The following ARHGAP15 variants were observed in gnomAD, a reference collection of about 807,000 sequenced individuals.
ARHGAP15 encodes rho GTPase-activating protein 15.
A neutral mutation model predicts 63.7 loss-of-function variants in ARHGAP15; 51 were observed. The observed-to-expected ratio is 0.80, with a 90% CI of 0.64 to 1.01. The LOEUF (loss-of-function observed/expected upper bound fraction) is 1.01, where lower values mean the gene tolerates loss of function less well. Among genes scored for constraint, ARHGAP15 ranks in the 50% least tolerant of loss-of-function variants. The probability of loss-of-function intolerance (pLI) is 0.00; values close to 1 mark genes in which losing one functional copy is unlikely to be tolerated. For synonymous variants in ARHGAP15, 191 were observed against 193.8 expected (o/e 0.99, Z 0.12); for missense variants, 560 against 564.6 (o/e 0.99, Z 0.08).
intron 6 of ARHGAP15, among the ~76,000 whole-genome samples, chr2:143,331,475 T>C (rs1019586267): frequency 1.9e-4 from 29 of 152,282 alleles, no homozygotes; most frequent in African/African-American, 5.8e-4. Context: ...ACATGATTTG[T>C]TTTGTTAAAA....
intron 9 of ARHGAP15, among the ~76,000 whole-genome samples, chr2:143,509,908 CT>C (rs1693501186): frequency 1.3e-5 from 2 of 150,790 alleles, no homozygotes; most frequent in Admixed American, 1.3e-4. Flanking sequence ...GTAATCCCAG[CT>C]ACTCAGGAGG....
chr2:143,577,535 CCT>C (rs558379483), intron 11 of ARHGAP15, among the ~76,000 whole-genome samples: 1 of 152,088 alleles, frequency 6.6e-6, no homozygotes, highest in African/African-American at 2.4e-5. Flanking sequence ...TAAGGCCTAA[CCT>C]CTCTCGGTCT....
At chr2:143,658,321 G>A (rs1681565437) in intron 12 of ARHGAP15, among the ~76,000 whole-genome samples, 3 of 152,222 alleles carry the variant, frequency 2.0e-5, no homozygotes, top group Admixed American at 2.0e-4. Flanking sequence ...AATGGACAGA[G>A]CAGGGTAGAA....
intron 5 of ARHGAP15, chr2:143,247,310 T>A (rs558717090): frequency 6.6e-6 from 1 of 152,556 alleles, no homozygotes; most frequent in East Asian, 1.9e-4. Context: ...TGCCCAGCCC[T>A]CCGCCACTGG....
chr2:143,673,623 A>G (rs976870735), intron 12 of ARHGAP15, among the ~76,000 whole-genome samples: 2 of 150,878 alleles, frequency 1.3e-5, no homozygotes, highest in South Asian at 2.1e-4. Flanking sequence ...GTAAAAATAT[A>G]AATTGGATTT....
intron 8 of ARHGAP15, among the ~76,000 whole-genome samples, chr2:143,485,843 G>T (rs765380578): frequency 7.9e-5 from 12 of 152,126 alleles, no homozygotes; most frequent in Non-Finnish European, 1.8e-4. Flanking sequence ...AGATTTTCAG[G>T]TAGCAAGAAT....
chr2:143,183,479 C>G (rs1558799358), intron 2 of ARHGAP15, among the ~76,000 whole-genome samples: 2 of 152,014 alleles, frequency 1.3e-5, no homozygotes, highest in Non-Finnish European at 2.9e-5. Context: ...TCAGTGGGCA[C>G]CATCAGAGGC....
At chr2:143,639,461 A>C (rs983909452) in intron 12 of ARHGAP15, among the ~76,000 whole-genome samples, 1 of 152,148 alleles carries the variant, frequency 6.6e-6, no homozygotes, top group African/African-American at 2.4e-5. Flanking sequence ...AGAAGGCTAA[A>C]GGATATGTAA....
At chr2:143,534,417 A>C (rs1001930056) in intron 10 of ARHGAP15, among the ~76,000 whole-genome samples, 2 of 152,206 alleles carry the variant, frequency 1.3e-5, no homozygotes, top group Non-Finnish European at 2.9e-5. Flanking sequence ...TGATGTATAC[A>C]CAGACAACGC....
intron 6 of ARHGAP15, among the ~76,000 whole-genome samples, chr2:143,276,009 C>T (rs188366458): frequency 6.6e-6 from 1 of 152,166 alleles, no homozygotes; most frequent in African/African-American, 2.4e-5. Context: ...TCCATAAACC[C>T]ATCCTTTACA....
intron 6 of ARHGAP15, among the ~76,000 whole-genome samples, chr2:143,409,518 A>G (rs1427099282): frequency 6.6e-6 from 1 of 152,040 alleles, no homozygotes; most frequent in Non-Finnish European, 1.5e-5. Context: ...GATCATTCCT[A>G]TATCATAGTA....
intron 12 of ARHGAP15, among the ~76,000 whole-genome samples, chr2:143,685,874 G>A (rs1015806689): frequency 2.0e-5 from 3 of 152,028 alleles, no homozygotes; most frequent in African/African-American, 7.2e-5. Context: ...AAAAGGCCAG[G>A]TCTAGTCCTA....
chr2:143,250,087 T>C (rs974692411), intron 5 of ARHGAP15, among the ~76,000 whole-genome samples: 1 of 152,116 alleles, frequency 6.6e-6, no homozygotes, highest in East Asian at 1.9e-4. Flanking sequence ...TTTTTTGCAT[T>C]GCACTATGAT....
intron 6 of ARHGAP15, among the ~76,000 whole-genome samples, chr2:143,409,498 C>T (rs926596975): frequency 6.6e-6 from 1 of 152,042 alleles, no homozygotes; most frequent in African/African-American, 2.4e-5. Flanking sequence ...GTTAACGTTA[C>T]ATGATTTAAG....
At chr2:143,385,682 C>T (rs1687256079) in intron 6 of ARHGAP15, among the ~76,000 whole-genome samples, 1 of 152,140 alleles carries the variant, frequency 6.6e-6, no homozygotes, top group Non-Finnish European at 1.5e-5. Flanking sequence ...TTCCAACTCT[C>T]AGATATCAAG....
intron 6 of ARHGAP15, among the ~76,000 whole-genome samples, chr2:143,306,706 A>G (rs1683188620): frequency 6.6e-6 from 1 of 152,018 alleles, no homozygotes; most frequent in Non-Finnish European, 1.5e-5. Flanking sequence ...TAATTCACCC[A>G]CCTCTTCAGT....
intron 8 of ARHGAP15, among the ~76,000 whole-genome samples, chr2:143,467,442 A>G (rs933827655): frequency 6.6e-6 from 1 of 151,996 alleles, no homozygotes; most frequent in Non-Finnish European, 1.5e-5. Flanking sequence ...ATTAAAATGC[A>G]TTGATCACAA....
intron 8 of ARHGAP15, among the ~76,000 whole-genome samples, chr2:143,441,827 A>AC (rs1689896703): frequency 6.6e-6 from 1 of 152,204 alleles, no homozygotes; most frequent in African/African-American, 2.4e-5. Flanking sequence ...TTAAGTTATC[A>AC]TAAAAAACAA....
intron 13 of ARHGAP15, among the ~76,000 whole-genome samples, chr2:143,731,193 C>T (rs1685518048): frequency 6.6e-6 from 1 of 152,040 alleles, no homozygotes; most frequent in Non-Finnish European, 1.5e-5. Context: ...TTCTATAACC[C>T]AAATTTACTT....
Sources: gnomAD v4.1 joint callset for allele counts (sites outside exome capture counted in the v4.1 genomes callset) on GRCh38, gnomAD v4.1.1 for gene constraint, MANE v1.5 for transcripts, NCBI Gene and HGNC (gene_info 2026-07-23, HGNC 2026-07-21) for gene names.